Variants in C1orf21 observed in about 807,000 individuals in gnomAD.
C1orf21 encodes uncharacterized protein C1orf21.
C1orf21 carries 3 observed loss-of-function variants against 18.7 expected under a neutral mutation model. That is an observed-to-expected ratio of 0.16 (90% CI 0.07 to 0.42). The LOEUF (loss-of-function observed/expected upper bound fraction) is 0.42. Among genes scored for constraint, C1orf21 ranks in the 10% least tolerant of loss-of-function variants. The pLI, the probability that C1orf21 is intolerant of heterozygous loss-of-function variation, is 0.99. For synonymous variants in C1orf21, 41 were observed against 46.4 expected, an observed-to-expected ratio of 0.88 and a Z score of 0.47; for missense variants, 104 against 143.6, an observed-to-expected ratio of 0.72 and a Z score of 1.41.
chr1:184,425,577 TA>T (rs994181932), intron 1 of C1orf21, among the ~76,000 whole-genome samples: 5 of 152,102 alleles, frequency 3.3e-5, no homozygotes, highest in Non-Finnish European at 5.9e-5. Flanking sequence ...CCTGGTGTCT[TA>T]AAATATGGAG....
At chr1:184,618,831 G>A (rs551209816) in intron 5 of C1orf21, among the ~76,000 whole-genome samples, 12 of 152,280 alleles carry the variant, frequency 7.9e-5, no homozygotes, top group African/African-American at 2.4e-4. Flanking sequence ...AAGCCAGCTC[G>A]GTTAAATGTG....
chr1:184,602,297 C>T (rs68054616), intron 5 of C1orf21, among the ~76,000 whole-genome samples: 9,939 of 152,202 alleles, frequency 0.065, 421 homozygotes, highest in Non-Finnish European at 0.087. Context: ...CACTCTGCTG[C>T]GACCGGAGAT....
At chr1:184,415,472 G>A (rs893385347) in intron 1 of C1orf21, among the ~76,000 whole-genome samples, 1 of 152,110 alleles carries the variant, frequency 6.6e-6, no homozygotes, top group Non-Finnish European at 1.5e-5. Context: ...CTTATTTTGC[G>A]TGTTCTGTTC....
intron 1 of C1orf21, among the ~76,000 whole-genome samples, chr1:184,469,868 C>CT (rs1168454256): frequency 6.6e-6 from 1 of 152,110 alleles, no homozygotes; most frequent in Non-Finnish European, 1.5e-5. Context: ...TTTTATTTTA[C>CT]TTTATTATGT....
intron 1 of C1orf21, chr1:184,412,450 G>C (rs1417303448): frequency 3.3e-5 from 5 of 152,178 alleles, no homozygotes; most frequent in Admixed American, 6.5e-5. Context: ...AGACAAAAAT[G>C]GTGTATGGAT....
rs397861528 is a variant in C1orf21 at position 184,392,819 on chromosome 1, C to CT, written c.-125+5475dup. ...AGATTTTTATCCATAGACATTCCTCCTTTTTTTTTTTTTTTTTTTTTTTTC... is the reference window on the plus strand; with the variant it reads ...AGATTTTTATCCATAGACATTCCTCCTTTTTTTTTTTTTTTTTTTTTTTTTC... On this transcript the variant is annotated intron_variant, in intron 1 of 5. Transcript: ENST00000235307. Among the ~76,000 whole-genome samples the CT allele has an allele frequency of 3.1e-3, 300 of 96,814 alleles. 4 individuals carry two copies. Among genetic ancestry groups the CT allele is most frequent in the African/African-American group, 7.9e-3 (190 of 24,136 alleles). 63.5% of individuals were successfully genotyped at this position (96,814 alleles called of 152,430 possible).
At chr1:184,479,822 C>T (rs572858531) in intron 2 of C1orf21, among the ~76,000 whole-genome samples, 1 of 151,820 alleles carries the variant, frequency 6.6e-6, no homozygotes, top group East Asian at 1.9e-4. Flanking sequence ...AGGGTTTTGC[C>T]ATGTTTCCCA....
intron 3 of C1orf21, among the ~76,000 whole-genome samples, chr1:184,547,559 C>T (rs1658744053): frequency 6.6e-6 from 1 of 151,712 alleles, no homozygotes; most frequent in African/African-American, 2.4e-5. Flanking sequence ...GCTCTGTTTC[C>T]TTCCCCACGA....
chr1:184,507,804 A>G (rs188586689), intron 3 of C1orf21, 122 bp downstream of exon 3: 12 of 755,714 alleles, frequency 1.6e-5, no homozygotes, highest in South Asian at 2.3e-5. Context: ...TGCTGCAGCT[A>G]TTTATAGCTT....
chr1:184,585,406 T>C (rs562352648), intron 3 of C1orf21, among the ~76,000 whole-genome samples: 158 of 152,350 alleles, frequency 1.0e-3, no homozygotes, highest in Non-Finnish European at 1.7e-3. Flanking sequence ...TTAAGAATGC[T>C]CTCAATGAAG....
chr1:184,441,307 C>A (rs987341706), intron 1 of C1orf21, among the ~76,000 whole-genome samples: 11 of 152,168 alleles, frequency 7.2e-5, no homozygotes, highest in Admixed American at 6.5e-4. Flanking sequence ...ACTTTTCCTA[C>A]GCTGAAAGAT....
intron 3 of C1orf21, chr1:184,545,793 T>C (rs922780986): frequency 3.9e-5 from 6 of 152,130 alleles, no homozygotes. Context: ...ATCATTAGAT[T>C]TTTGTCTCAC....
At chr1:184,538,675 G>A (rs931357810) in intron 3 of C1orf21, among the ~76,000 whole-genome samples, 21 of 152,094 alleles carry the variant, frequency 1.4e-4, no homozygotes, top group African/African-American at 5.1e-4. Context: ...TTGCATATTG[G>A]TGTCCAGTTT....
At chr1:184,507,812 CT>C in intron 3 of C1orf21, 130 bp downstream of exon 3, 2 of 721,096 alleles carry the variant, frequency 2.8e-6, no homozygotes, top group Non-Finnish European at 4.4e-6. Flanking sequence ...CTATTTATAG[CT>C]TGCCTGGAAG....
At chr1:184,534,846 G>T (rs1658523306) in intron 3 of C1orf21, among the ~76,000 whole-genome samples, 1 of 152,110 alleles carries the variant, frequency 6.6e-6, no homozygotes. Context: ...GGCAGGCAGA[G>T]GTCGTAAATA....
At chr1:184,611,303 A>T (rs1021766146) in intron 5 of C1orf21, among the ~76,000 whole-genome samples, 2 of 152,218 alleles carry the variant, frequency 1.3e-5, no homozygotes, top group Non-Finnish European at 2.9e-5. Flanking sequence ...ATAAACGAAA[A>T]TGCTGCTGAA....
chr1:184,506,697 C>T (rs190741924), intron 2 of C1orf21, among the ~76,000 whole-genome samples: 106 of 152,218 alleles, frequency 7.0e-4, no homozygotes, highest in African/African-American at 2.1e-3. Context: ...GACTTTAGTG[C>T]GCTCAAATCA....
At chr1:184,444,015 G>A (rs1339357073) in intron 1 of C1orf21, among the ~76,000 whole-genome samples, 1 of 152,138 alleles carries the variant, frequency 6.6e-6, no homozygotes, top group African/African-American at 2.4e-5. Flanking sequence ...CTCTTGCCTA[G>A]GGGGAATACA....
chr1:184,571,899 GTTC>G (rs59383594), intron 3 of C1orf21, among the ~76,000 whole-genome samples: 25,114 of 152,046 alleles, frequency 0.17, 2,371 homozygotes, highest in East Asian at 0.3. Context: ...TTTCCTTGAT[GTTC>G]TTCTTAATGT....
Sources: allele counts gnomAD v4.1 joint callset (sites outside exome capture counted in the v4.1 genomes callset), GRCh38; gene constraint gnomAD v4.1.1; transcripts MANE v1.5; gene names NCBI Gene and HGNC (gene_info 2026-07-23, HGNC 2026-07-21).